The following ANKRD30B variants were observed in gnomAD, a reference collection of about 807,000 sequenced individuals.
ANKRD30B encodes the protein ankyrin repeat domain 30B.
A neutral mutation model predicts 202.2 loss-of-function variants in ANKRD30B; 144 were observed. The ratio of observed to expected loss-of-function variants is 0.71; its 90% confidence interval spans 0.62 to 0.82. ANKRD30B has a LOEUF of 0.82. ANKRD30B is among the 40% of genes least tolerant of loss of function. ANKRD30B has a pLI of 0.00. For synonymous variants in ANKRD30B, 508 were observed against 561.3 expected (o/e 0.91, Z 1.34); for missense variants, 1,487 against 1,669.1 (o/e 0.89, Z 1.90).
Position 14,799,120 on chromosome 18 carries a change from T to G in ANKRD30B, c.2049T>G (p.Gly683=). 1 of 1,578,666 alleles carries G rather than the reference T, an allele frequency of 6.3e-7. No individual in the cohort carries two copies. The highest frequency in any genetic ancestry group is 8.7e-7 in the Non-Finnish European group (1 of 1,150,094). ...TTTTAGAGTCTCCTGATAATGATGG[T>G]CTTCTGAAGGTAATAACTTTTATAT... ...TLKAESPDND[G]LLKPTCGRKV... Residue 683 remains glycine (G), a synonymous_variant, in exon 21 of 44, where the codon GGT becomes GGG. Transcript: ENST00000690538.
chr18:14,752,751 T>C (rs1376652334), intron 2 of ANKRD30B, 71 bp downstream of exon 2: 5 of 1,537,698 alleles, frequency 3.3e-6, no homozygotes, highest in Non-Finnish European at 4.4e-6. Flanking sequence ...ATGAATTTAG[T>C]TGAAATACAA....
chr18:14,810,901 G>T (rs1250516889), intron 28 of ANKRD30B, among the ~76,000 whole-genome samples: 1 of 151,176 alleles, frequency 6.6e-6, no homozygotes, highest in East Asian at 1.9e-4. Flanking sequence ...ATTACTTAAG[G>T]TCAGGAGTCG....
intron 14 of ANKRD30B, among the ~76,000 whole-genome samples, chr18:14,785,226 T>C (rs1393117152): frequency 6.6e-6 from 1 of 152,236 alleles, no homozygotes; most frequent in Non-Finnish European, 1.5e-5. Flanking sequence ...GTTTAAATAT[T>C]TTACAACGTG....
At chr18:14,797,260 C>G (rs1431685075) in intron 18 of ANKRD30B, among the ~76,000 whole-genome samples, 1 of 152,106 alleles carries the variant, frequency 6.6e-6, no homozygotes, top group East Asian at 1.9e-4. Flanking sequence ...ATTCCATTCC[C>G]AGAGCTATGA....
At chr18:14,772,321 T>C in intron 9 of ANKRD30B, 93 bp downstream of exon 9, 3 of 732,132 alleles carry the variant, frequency 4.1e-6, no homozygotes, top group Non-Finnish European at 5.9e-6. Context: ...TTATTTCATG[T>C]TGGTAATATA....
chr18:14,928,884 A>T, the ANKRD30B span, among the ~76,000 whole-genome samples: 1 of 152,342 alleles, frequency 6.6e-6, no homozygotes, highest in African/African-American at 2.4e-5. Context: ...GACTGCAGTC[A>T]CTTTTAGGTA....
the ANKRD30B span, among the ~76,000 whole-genome samples, chr18:14,909,644 G>A: frequency 6.6e-6 from 1 of 152,148 alleles, no homozygotes; most frequent in Non-Finnish European, 1.5e-5. Flanking sequence ...CTGGCCTCAG[G>A]TGATCCACAT....
chr18:14,748,381 G>A lies in ANKRD30B; in HGVS notation c.-39G>A, dbSNP rs1460994168. On this transcript the variant is annotated 5_prime_UTR_variant, in exon 1 of 44. Transcript: ENST00000690538. ...AGGGGTAGGGGCTGGGGAAGGGCGA[G>A]CGGGAGGCGCGGGCTCTCTCTAGCA... The A allele has an allele frequency of 1.1e-5, 15 of 1,410,216 alleles. No homozygotes were observed. The African/African-American group carries it at 1.8e-4, about 17-fold the overall frequency. 87.4% of individuals were successfully genotyped at this position (1,410,216 alleles called of 1,614,324 possible). A position where few individuals can be genotyped will look rare whatever the true frequency, so the allele number is the denominator to read the frequency against.
the ANKRD30B span, among the ~76,000 whole-genome samples, chr18:14,861,355 C>T: frequency 1.3e-5 from 2 of 152,106 alleles, no homozygotes; most frequent in African/African-American, 4.8e-5. Flanking sequence ...AAAGAAGACA[C>T]TTCTGCTGCC....
At chr18:14,831,152 T>G (rs1011769374) in intron 33 of ANKRD30B, among the ~76,000 whole-genome samples, 1 of 122,846 alleles carries the variant, frequency 8.1e-6, no homozygotes, top group African/African-American at 3.3e-5. Flanking sequence ...CTCACTCCAG[T>G]CTGGGCGACA....
At chr18:14,779,606 A>T (rs1967593203) in intron 10 of ANKRD30B, among the ~76,000 whole-genome samples, 1 of 152,190 alleles carries the variant, frequency 6.6e-6, no homozygotes, top group Non-Finnish European at 1.5e-5. Flanking sequence ...AAAAATAAAA[A>T]CAGAGAGAAT....
chr18:14,748,402 T>C lies in ANKRD30B; in HGVS notation c.-18T>C, dbSNP rs1912814582. On this transcript the variant is annotated 5_prime_UTR_variant, in exon 1 of 44. Transcript: ENST00000690538. ...GCGAGCGGGAGGCGCGGGCTCTCTC[T>C]AGCAGGGGGCTGCAGCCATGAAGAG... The C allele has an allele frequency of 6.8e-6, 10 of 1,461,942 alleles. No individual in the cohort carries two copies. Among genetic ancestry groups the C allele is most frequent in the Non-Finnish European group, 9.1e-6 (10 of 1,103,728 alleles). 90.6% of individuals were successfully genotyped at this position (1,461,942 alleles called of 1,614,324 possible).
chr18:14,866,579 G>T, the ANKRD30B span, among the ~76,000 whole-genome samples: 27 of 152,176 alleles, frequency 1.8e-4, no homozygotes, highest in Admixed American at 1.4e-3. Flanking sequence ...GGCTCGCCTG[G>T]TTGCGGTTGG....
chr18:14,846,631 C>T (rs1392927459), intron 39 of ANKRD30B, among the ~76,000 whole-genome samples: 1 of 151,850 alleles, frequency 6.6e-6, no homozygotes, highest in African/African-American at 2.4e-5. Flanking sequence ...ATATTTAGGA[C>T]TGTTATGTTT....
Position 14,777,950 on chromosome 18 carries a change from A to G in ANKRD30B, c.1330-35A>G, listed in dbSNP as rs961970992. 6.5e-5 allele frequency: 97 copies of G among 1,481,436 alleles called. 1 individual carries two copies. Among genetic ancestry groups the G allele is most frequent in the Non-Finnish European group, 8.6e-5 (94 of 1,092,952 alleles). The allele number at this position is 1,481,436 out of a possible 1,614,324, so 91.8% of individuals were successfully genotyped here. Reference sequence around the variant, plus strand: ...CATCTCAAAAAAACAAAAAAAGGAAAAAGACAAATTATTTATTGGTATTAC... The same window carrying G: ...CATCTCAAAAAAACAAAAAAAGGAAGAAGACAAATTATTTATTGGTATTAC... On this transcript the variant is annotated intron_variant, in intron 9 of 43. Transcript: ENST00000690538.
the ANKRD30B span, among the ~76,000 whole-genome samples, chr18:14,876,181 G>A: frequency 6.0e-5 from 9 of 149,860 alleles, no homozygotes; most frequent in South Asian, 2.1e-4. Context: ...AAAAAGCACC[G>A]GGCTTGGGGT....
chr18:14,808,402 A>T, intron 24 of ANKRD30B, 149 bp from the exon 25 acceptor site: 1 of 837,478 alleles, frequency 1.2e-6, no homozygotes. Context: ...CATGTTAACA[A>T]ATACAAAAAC....
At chr18:14,779,320 C>T (rs1473885205) in intron 10 of ANKRD30B, among the ~76,000 whole-genome samples, 4 of 152,060 alleles carry the variant, frequency 2.6e-5, no homozygotes, top group Non-Finnish European at 4.4e-5. Context: ...CAAGGAGGCC[C>T]AAGTTGATTC....
At chr18:14,755,810 A>T (rs1914257138) in intron 4 of ANKRD30B, among the ~76,000 whole-genome samples, 1 of 152,054 alleles carries the variant, frequency 6.6e-6, no homozygotes, top group African/African-American at 2.4e-5. Flanking sequence ...TCATTGTTGG[A>T]CATTTGGGTT....
Sources: gnomAD v4.1 joint callset for allele counts (sites outside exome capture counted in the v4.1 genomes callset) on GRCh38, gnomAD v4.1.1 for gene constraint, MANE v1.5 for transcripts, NCBI Gene and HGNC (gene_info 2026-07-23, HGNC 2026-07-21) for gene names.